The following ADGRG6 variants were observed in gnomAD, a reference collection of about 807,000 sequenced individuals.
ADGRG6 encodes the protein adhesion G protein-coupled receptor G6, also known as G-protein coupled receptor 126.
ADGRG6 carries 84 observed loss-of-function variants against 142.4 expected under a neutral mutation model. The ratio of observed to expected loss-of-function variants is 0.59; its 90% CI spans 0.49 to 0.71. ADGRG6 has a LOEUF of 0.71. Ranked by LOEUF, ADGRG6 falls within the 30% of genes least tolerant of loss-of-function variation. ADGRG6 has a pLI of 0.00. For synonymous variants in ADGRG6, 521 were observed against 520.5 expected (o/e 1.00, Z -0.01); for missense variants, 1,367 against 1,466.6 (o/e 0.93, Z 1.11).
intron 2 of ADGRG6, among the ~76,000 whole-genome samples, chr6:142,336,404 A>C (rs1349739759): frequency 6.6e-6 from 1 of 152,176 alleles, no homozygotes; most frequent in Admixed American, 6.5e-5. Flanking sequence ...GTTTCATCAT[A>C]CATACAGATA....
At chr6:142,330,418 A>G (rs1201299849) in intron 2 of ADGRG6, among the ~76,000 whole-genome samples, 10 of 152,188 alleles carry the variant, frequency 6.6e-5, no homozygotes, top group Non-Finnish European at 1.3e-4. Flanking sequence ...ATTCTCAGCC[A>G]AACAAGCTCA....
At chr6:142,316,799 T>C (rs1778098555) in intron 2 of ADGRG6, among the ~76,000 whole-genome samples, 2 of 152,008 alleles carry the variant, frequency 1.3e-5, no homozygotes, top group South Asian at 2.1e-4. Flanking sequence ...TTTACCTTAG[T>C]GTTTTTTTTT....
At chr6:142,367,939 T>A (rs1224821327) in intron 3 of ADGRG6, 29 bp downstream of exon 3, 3 of 1,283,772 alleles carry the variant, frequency 2.3e-6, no homozygotes, top group Non-Finnish European at 2.2e-6. Flanking sequence ...ACGCCAACCT[T>A]CTGCTTTTAT....
At chr6:142,403,008 T>G (rs565437980) in intron 13 of ADGRG6, among the ~76,000 whole-genome samples, 178 bp downstream of exon 13, 30 of 139,638 alleles carry the variant, frequency 2.1e-4, no homozygotes, top group East Asian at 1.4e-3. Context: ...GTTCTGTGTG[T>G]TTTTTTTTTT....
At chr6:142,378,223 G>A (rs1221855176) in intron 4 of ADGRG6, among the ~76,000 whole-genome samples, 2 of 152,002 alleles carry the variant, frequency 1.3e-5, no homozygotes, top group Non-Finnish European at 2.9e-5. Flanking sequence ...TAACATACTG[G>A]GAATGTAGTT....
chr6:142,390,054 G>A (rs1037083921), intron 6 of ADGRG6, among the ~76,000 whole-genome samples: 3 of 151,732 alleles, frequency 2.0e-5, no homozygotes, highest in African/African-American at 4.8e-5. Context: ...GAAGTTGGAA[G>A]GTCAATAAGC....
intron 2 of ADGRG6, among the ~76,000 whole-genome samples, chr6:142,316,474 C>T (rs1432790463): frequency 6.6e-6 from 1 of 152,012 alleles, no homozygotes; most frequent in East Asian, 1.9e-4. Flanking sequence ...CCTTACCTGG[C>T]CAAAACTTGA....
At chr6:142,372,800 T>G (rs2114881542) in intron 4 of ADGRG6, among the ~76,000 whole-genome samples, 1 of 152,290 alleles carries the variant, frequency 6.6e-6, no homozygotes. Context: ...GTGCACTTCC[T>G]GCATTCTGGG....
At chr6:142,381,039 T>G (rs149318920) in intron 4 of ADGRG6, among the ~76,000 whole-genome samples, 1,968 of 152,310 alleles carry the variant, frequency 0.013, 24 homozygotes, top group Non-Finnish European at 0.02. Context: ...GTATCAAGGA[T>G]GAAGAAACCA....
chr6:142,343,306 A>G (rs1049356749), intron 2 of ADGRG6, among the ~76,000 whole-genome samples: 7 of 151,794 alleles, frequency 4.6e-5, no homozygotes, highest in African/African-American at 7.2e-5. Flanking sequence ...AAAAAATTCA[A>G]TAACCAAAGA....
intron 2 of ADGRG6, among the ~76,000 whole-genome samples, chr6:142,312,056 T>G (rs1468418450): frequency 2.0e-5 from 3 of 152,022 alleles, no homozygotes; most frequent in Admixed American, 6.6e-5. Context: ...ATGTAATCCT[T>G]CCCTATCCCT....
chr6:142,402,032 G>A lies in ADGRG6; in HGVS notation c.1718G>A (p.Gly573Glu). The change falls in exon 12 of 25, where the codon GGA (glycine) becomes GAA (glutamate). Residue 573 changes from glycine (G) to glutamate (E), a missense_variant. Physicochemically the swap from Gly to Glu is moderately conservative, Grantham distance 98 (BLOSUM62 -2). Coordinates refer to ENST00000367609, the MANE Select transcript of ADGRG6 (RefSeq NM_198569.3). ...ACCAACCCATTGGTAACCTACTGGG[G>A]ACCTGTTGATATCTCCAACTGTTTA... is the stretch of plus-strand genomic sequence containing the variant. The part of the protein sequence containing the change: ...NATNPLVTYW[G>E]PVDISNCLKE... 1 of 1,559,270 alleles carries A rather than the reference G, an allele frequency of 6.4e-7. No homozygotes were observed. Among genetic ancestry groups the A allele is most frequent in the South Asian group, 1.2e-5 (1 of 86,882 alleles).
chr6:142,376,749 A>G (rs1781522954), intron 4 of ADGRG6, among the ~76,000 whole-genome samples: 1 of 152,202 alleles, frequency 6.6e-6, no homozygotes, highest in Non-Finnish European at 1.5e-5. Context: ...ATGAACATAG[A>G]TGACTAAATT....
chr6:142,415,656 T>G, intron 19 of ADGRG6, 140 bp from the exon 20 acceptor site: 1 of 613,614 alleles, frequency 1.6e-6, no homozygotes, highest in Non-Finnish European at 2.8e-6. Flanking sequence ...TAGCCCCTCC[T>G]TTTAGCAGAA....
At chr6:142,430,631 T>A (rs1370320184) in intron 22 of ADGRG6, among the ~76,000 whole-genome samples, 1 of 152,198 alleles carries the variant, frequency 6.6e-6, no homozygotes, top group Non-Finnish European at 1.5e-5. Flanking sequence ...CCCGAATAGT[T>A]AAATAGCTCT....
At chr6:142,370,837 A>C in intron 4 of ADGRG6, 44 bp downstream of exon 4, 1 of 1,525,658 alleles carries the variant, frequency 6.6e-7, no homozygotes. Context: ...TTTTAGCATT[A>C]TTCTATGAAT....
chr6:142,445,288 A>G lies in ADGRG6; in HGVS notation c.*1773A>G, dbSNP rs1562401878. On this transcript the variant is annotated 3_prime_UTR_variant, in exon 25 of 25. Coordinates refer to ENST00000367609, the MANE Select transcript of ADGRG6 (RefSeq NM_198569.3). ...TAAGGTCACTGAGATTCTAAGTAAG[A>G]TAGTAAATCTAAGGTCACTGAGCCA... The G allele has an allele frequency of 6.6e-6, 1 of 152,156 alleles. No individual in the cohort carries two copies. Among genetic ancestry groups the G allele is most frequent in the East Asian group, 1.9e-4 (1 of 5,182 alleles). 9.4% of individuals were successfully genotyped at this position (152,156 alleles called of 1,614,324 possible).
chr6:142,396,543 TATA>T (rs1317254705), intron 9 of ADGRG6, among the ~76,000 whole-genome samples: 2 of 152,174 alleles, frequency 1.3e-5, no homozygotes, highest in African/African-American at 4.8e-5. Context: ...AAATTACTAC[TATA>T]ATACTTATTA....
chr6:142,328,462 A>G (rs557040794), intron 2 of ADGRG6, among the ~76,000 whole-genome samples: 1 of 152,280 alleles, frequency 6.6e-6, no homozygotes, highest in South Asian at 2.1e-4. Flanking sequence ...TTGGCCTCCC[A>G]AAGTTCTGGA....
Sources: gnomAD v4.1 joint callset for allele counts (sites outside exome capture counted in the v4.1 genomes callset) on GRCh38, gnomAD v4.1.1 for gene constraint, MANE v1.5 for transcripts, NCBI Gene and HGNC (gene_info 2026-07-23, HGNC 2026-07-21) for gene names.